Variants in DYNC1I1 observed in about 807,000 individuals in gnomAD.
The protein encoded by DYNC1I1 is cytoplasmic dynein 1 intermediate chain 1.
Under a neutral mutation model 86.6 loss-of-function variants are expected in DYNC1I1, and 43 were observed. The ratio of observed to expected loss-of-function variants is 0.50; its 90% CI spans 0.39 to 0.64. DYNC1I1 has a LOEUF of 0.64. Ranked by LOEUF, DYNC1I1 falls within the 30% of genes least tolerant of loss-of-function variation. DYNC1I1 has a pLI of 0.00. For synonymous variants in DYNC1I1, 262 were observed against 283.7 expected (o/e 0.92, Z 0.77); for missense variants, 604 against 788.8 (o/e 0.77, Z 2.81).
chr7:96,043,424 G>T (rs1301143814), intron 14 of DYNC1I1, among the ~76,000 whole-genome samples: 1 of 151,744 alleles, frequency 6.6e-6, no homozygotes, highest in African/African-American at 2.4e-5. Flanking sequence ...ACACCACAGG[G>T]ATGCAATCAA....
chr7:95,928,172 C>G (rs1243709335), intron 6 of DYNC1I1, among the ~76,000 whole-genome samples: 2 of 152,302 alleles, frequency 1.3e-5, no homozygotes, highest in African/African-American at 2.4e-5. Context: ...TTCAGGATAG[C>G]ACCCATTTCT....
intron 14 of DYNC1I1, among the ~76,000 whole-genome samples, chr7:96,040,720 T>TG (rs1025124704): frequency 3.3e-5 from 5 of 151,706 alleles, no homozygotes; most frequent in African/African-American, 1.2e-4. Context: ...TGAGTAGTTT[T>TG]TTTTTTTTTT....
intron 7 of DYNC1I1, among the ~76,000 whole-genome samples, chr7:95,982,874 A>G (rs1266689035): frequency 6.6e-6 from 1 of 152,154 alleles, no homozygotes; most frequent in African/African-American, 2.4e-5. Flanking sequence ...CTGGAGTGAA[A>G]TAATTCAAAT....
chr7:95,810,336 G>A, intron 2 of DYNC1I1, 56 bp from the exon 3 acceptor site: 1 of 1,452,040 alleles, frequency 6.9e-7, no homozygotes, highest in Non-Finnish European at 9.4e-7. Context: ...GTTTCAGCCA[G>A]GAAAAGCATA....
chr7:95,966,821 C>G (rs1019448074), intron 6 of DYNC1I1, among the ~76,000 whole-genome samples: 3 of 152,128 alleles, frequency 2.0e-5, no homozygotes, highest in African/African-American at 7.2e-5. Context: ...ACCTGGTGAC[C>G]GGTGACTAGG....
At chr7:96,045,652 A>G (rs1789187981) in intron 14 of DYNC1I1, among the ~76,000 whole-genome samples, 1 of 152,138 alleles carries the variant, frequency 6.6e-6, no homozygotes, top group South Asian at 2.1e-4. Flanking sequence ...TACATGAGGA[A>G]ATGGCAGAAG....
chr7:96,062,575 T>C (rs761678415), intron 14 of DYNC1I1, among the ~76,000 whole-genome samples: 4 of 152,192 alleles, frequency 2.6e-5, no homozygotes, highest in Non-Finnish European at 5.9e-5. Context: ...TCTGATCTTC[T>C]GTCTTTGCTT....
At chr7:95,946,381 A>G (rs1322183656) in intron 6 of DYNC1I1, among the ~76,000 whole-genome samples, 1 of 152,202 alleles carries the variant, frequency 6.6e-6, no homozygotes, top group Non-Finnish European at 1.5e-5. Flanking sequence ...AGATTGTTTA[A>G]TCTTCAATTA....
At chr7:96,029,843 A>G (rs1470043589) in intron 11 of DYNC1I1, among the ~76,000 whole-genome samples, 1 of 151,876 alleles carries the variant, frequency 6.6e-6, no homozygotes, top group African/African-American at 2.4e-5. Context: ...ACCAGGAGGC[A>G]GAGGTAGGAG....
intron 11 of DYNC1I1, among the ~76,000 whole-genome samples, chr7:96,032,449 A>G (rs1794835951): frequency 6.6e-6 from 1 of 152,148 alleles, no homozygotes; most frequent in Non-Finnish European, 1.5e-5. Context: ...TGACTGAGCA[A>G]GGTGAAGCTT....
intron 16 of DYNC1I1, among the ~76,000 whole-genome samples, chr7:96,083,331 T>C (rs539936370): frequency 6.6e-6 from 1 of 152,122 alleles, no homozygotes; most frequent in Non-Finnish European, 1.5e-5. Flanking sequence ...AGGGGAACTT[T>C]TGTGTTTCTC....
intron 6 of DYNC1I1, among the ~76,000 whole-genome samples, chr7:95,938,107 C>G (rs1792097818): frequency 1.3e-5 from 2 of 152,066 alleles, no homozygotes; most frequent in South Asian, 4.1e-4. Context: ...TTGTTGAGAC[C>G]TTAGCAGTTT....
At chr7:95,806,881 G>A (rs1310479524) in intron 2 of DYNC1I1, among the ~76,000 whole-genome samples, 2 of 152,156 alleles carry the variant, frequency 1.3e-5, no homozygotes, top group Non-Finnish European at 2.9e-5. Flanking sequence ...TAAGACAGAA[G>A]ACATAAACAC....
At chr7:96,080,521 T>G in intron 16 of DYNC1I1, 33 bp downstream of exon 16, 3 of 1,614,130 alleles carry the variant, frequency 1.9e-6, no homozygotes, top group Non-Finnish European at 2.5e-6. Flanking sequence ...GTTACTGTTT[T>G]GACTTGTGTA....
At chr7:95,836,953 C>T (rs1225835773) in intron 5 of DYNC1I1, among the ~76,000 whole-genome samples, 1 of 152,082 alleles carries the variant, frequency 6.6e-6, no homozygotes, top group African/African-American at 2.4e-5. Context: ...CGTCTGAAGC[C>T]TTCTTCTCTC....
intron 14 of DYNC1I1, among the ~76,000 whole-genome samples, chr7:96,047,879 AAAATT>A (rs1789265051): frequency 6.6e-6 from 1 of 152,170 alleles, no homozygotes; most frequent in Admixed American, 6.5e-5. Flanking sequence ...TATTGGAATA[AAAATT>A]AAATTAAAAG....
chr7:95,811,926 C>T lies in DYNC1I1; in HGVS notation c.224-1321C>T, dbSNP rs936520392. ...ATAGTATGTCCTAGTCTCCCCTACC[C>T]TACATAAAGCCAGTAATTAAACTTT... On this transcript the variant is annotated intron_variant, in intron 3 of 16. Coordinates refer to ENST00000447467, the MANE Select transcript of DYNC1I1 (RefSeq NM_001135556.2). 2.0e-5 allele frequency among the ~76,000 whole-genome samples: 3 copies of T among 152,158 alleles called. No homozygotes were observed. In the East Asian group the frequency reaches 5.8e-4, roughly 29 times the overall value.
chr7:95,963,164 C>T (rs1201405661), intron 6 of DYNC1I1, among the ~76,000 whole-genome samples: 1 of 152,156 alleles, frequency 6.6e-6, no homozygotes, highest in Non-Finnish European at 1.5e-5. Flanking sequence ...CAAAATCCAA[C>T]TCGAATTGAA....
intron 6 of DYNC1I1, among the ~76,000 whole-genome samples, chr7:95,894,584 G>A (rs113046129): frequency 1.3e-5 from 2 of 152,132 alleles, no homozygotes; most frequent in African/African-American, 4.8e-5. Flanking sequence ...TTAGTAATAG[G>A]TTGGTGCAAA....
Sources: allele counts gnomAD v4.1 joint callset (sites outside exome capture counted in the v4.1 genomes callset), GRCh38; gene constraint gnomAD v4.1.1; transcripts MANE v1.5; gene names NCBI Gene and HGNC (gene_info 2026-07-23, HGNC 2026-07-21).